The following SNX31 variants were observed in gnomAD, a reference collection of about 807,000 sequenced individuals.
The protein encoded by SNX31 is sorting nexin 31.
A neutral mutation model predicts 65.4 loss-of-function variants in SNX31; 58 were observed. The ratio of observed to expected loss-of-function variants is 0.89; its 90% CI spans 0.72 to 1.10. The LOEUF is 1.10. SNX31 is among the 50% of genes least tolerant of loss of function. The probability of loss-of-function intolerance (pLI) is 0.00; values close to 1 mark genes in which losing one functional copy is unlikely to be tolerated. For synonymous variants in SNX31, 181 were observed against 190.1 expected (o/e 0.95, Z 0.39); for missense variants, 523 against 529.7 (o/e 0.99, Z 0.12).
intron 8 of SNX31, among the ~76,000 whole-genome samples, chr8:100,605,060 A>G (rs1462705615): frequency 6.6e-6 from 1 of 152,002 alleles, no homozygotes; most frequent in African/African-American, 2.4e-5. Flanking sequence ...CACCGTGCCC[A>G]GCTAATTTTT....
chr8:100,601,532 T>C (rs1057232836), intron 8 of SNX31, among the ~76,000 whole-genome samples: 7 of 152,240 alleles, frequency 4.6e-5, no homozygotes, highest in Admixed American at 4.6e-4. Context: ...CAATAGTTTA[T>C]ATATCTGGTT....
chr8:100,601,867 A>G (rs1200126357), intron 8 of SNX31, among the ~76,000 whole-genome samples: 1 of 148,894 alleles, frequency 6.7e-6, no homozygotes, highest in Non-Finnish European at 1.5e-5. Context: ...GGAAGTAACA[A>G]AGCCTGTTGT....
intron 3 of SNX31, among the ~76,000 whole-genome samples, chr8:100,633,187 C>T (rs1818523952): frequency 6.6e-6 from 1 of 152,074 alleles, no homozygotes; most frequent in Non-Finnish European, 1.5e-5. Flanking sequence ...CCTTAACCTC[C>T]CAAAGTGCTG....
Position 100,594,331 on chromosome 8 carries a change from C to A in SNX31, c.978+2308G>T, listed in dbSNP as rs1011761867. Among the ~76,000 whole-genome samples the A allele has an allele frequency of 1.3e-5, 2 of 151,836 alleles. No individual in the cohort carries two copies. Among genetic ancestry groups the A allele is most frequent in the Admixed American group, 6.6e-5 (1 of 15,214 alleles). On this transcript the variant is annotated intron_variant, in intron 10 of 13. Coordinates refer to ENST00000311812, the MANE Select transcript of SNX31 (RefSeq NM_152628.4). The surrounding 1 kb of genome is among the most constrained non-coding windows in gnomAD (Gnocchi z 4.0). ...AACAAAACCAAAACAAGGAAACAGACAAACAACAACAACAACAACAAAACC... is the reference window on the plus strand; with the variant it reads ...AACAAAACCAAAACAAGGAAACAGAAAAACAACAACAACAACAACAAAACC...
At position 100,622,715 on chromosome 8, in the gene SNX31, G is replaced by T. The variant is rs6988427; in HGVS notation, c.322-4985C>A. On this transcript the variant is annotated intron_variant, in intron 4 of 13. Coordinates refer to ENST00000311812, the MANE Select transcript of SNX31 (RefSeq NM_152628.4). This position sits in a 1 kb window ranked among gnomAD's most constrained non-coding sequence, Gnocchi z 5.0. Reference sequence around the variant, plus strand: ...AAATAAAAATAAAAATAAATTAAATGGGGGCATTTAAAAATGGAGTGTTGA... The same window carrying T: ...AAATAAAAATAAAAATAAATTAAATTGGGGCATTTAAAAATGGAGTGTTGA... Among the ~76,000 whole-genome samples the T allele has an allele frequency of 2.8e-3, 423 of 152,050 alleles. 4 individuals are homozygous for T. The highest frequency in any genetic ancestry group is 9.0e-3 in the African/African-American group (374 of 41,512).
At chr8:100,623,082 T>C (rs1817812563) in intron 4 of SNX31, among the ~76,000 whole-genome samples, 1 of 152,196 alleles carries the variant, frequency 6.6e-6, no homozygotes, top group African/African-American at 2.4e-5. Context: ...AGAGGTTTAA[T>C]TGGCTCACAG....
At chr8:100,641,953 C>A (rs571651951) in intron 2 of SNX31, among the ~76,000 whole-genome samples, 26 of 151,942 alleles carry the variant, frequency 1.7e-4, no homozygotes, top group African/African-American at 6.0e-4. Flanking sequence ...GTGGCAGGTG[C>A]CTGTAGTCCC....
intron 10 of SNX31, among the ~76,000 whole-genome samples, chr8:100,592,755 T>G (rs542231800): frequency 6.6e-6 from 1 of 152,294 alleles, no homozygotes; most frequent in Non-Finnish European, 1.5e-5. Context: ...GGGTAGAATG[T>G]GCTATAACCA....
intron 12 of SNX31, among the ~76,000 whole-genome samples, chr8:100,577,491 AG>A (rs1813144104): frequency 6.6e-6 from 1 of 152,214 alleles, no homozygotes. Context: ...GCGAAGTTCA[AG>A]GCACTTGAAT....
rs1816405995 is a variant in SNX31, at chr8:100,608,579, G to A, written c.612-16C>T. 3 of 1,612,856 alleles carry A rather than the reference G, an allele frequency of 1.9e-6. No homozygotes were observed. Among genetic ancestry groups the A allele is most frequent in the East Asian group, 2.2e-5 (1 of 44,876 alleles). ...AGCCATATACCTGCAAAATTCAGGAGTGTGAAATTCATTCCTGTGACATGG... is the reference window on the plus strand; with the variant it reads ...AGCCATATACCTGCAAAATTCAGGAATGTGAAATTCATTCCTGTGACATGG... On this transcript the variant is annotated splice_polypyrimidine_tract_variant and intron_variant, in intron 7 of 13. Coordinates refer to ENST00000311812, the MANE Select transcript of SNX31 (RefSeq NM_152628.4).
intron 1 of SNX31, among the ~76,000 whole-genome samples, chr8:100,662,061 G>A (rs1809797104): frequency 6.6e-6 from 1 of 152,200 alleles, no homozygotes; most frequent in Non-Finnish European, 1.5e-5. Flanking sequence ...CTGGCCTCAA[G>A]TGATCCACCT....
chr8:100,597,507 T>G (rs1815225028), intron 9 of SNX31, among the ~76,000 whole-genome samples: 1 of 152,198 alleles, frequency 6.6e-6, no homozygotes, highest in Non-Finnish European at 1.5e-5. Flanking sequence ...CCTCCCAAAG[T>G]GCTGGGATTA....
At chr8:100,593,613 C>T (rs1814790896) in intron 10 of SNX31, among the ~76,000 whole-genome samples, 1 of 151,954 alleles carries the variant, frequency 6.6e-6, no homozygotes, top group African/African-American at 2.4e-5. Context: ...CCCACCACGC[C>T]CAGCTAATTT....
intron 3 of SNX31, among the ~76,000 whole-genome samples, chr8:100,635,025 A>G (rs937163674): frequency 6.6e-6 from 1 of 152,098 alleles, no homozygotes; most frequent in Non-Finnish European, 1.5e-5. Context: ...CGATTGTGCC[A>G]CTGTACTCCA....
At position 100,573,667 on chromosome 8, in the gene SNX31, C is replaced by CTT; in HGVS notation, c.*196_*197dup. 1.1e-4 allele frequency: 36 copies of CTT among 318,994 alleles called. No homozygotes were observed. Among genetic ancestry groups the CTT allele is most frequent in the East Asian group, 1.9e-4 (4 of 20,696 alleles). 19.8% of individuals were successfully genotyped at this position (318,994 alleles called of 1,614,324 possible). A position where few individuals can be genotyped will look rare whatever the true frequency, so the allele number is the denominator to read the frequency against. On this transcript the variant is annotated 3_prime_UTR_variant, in exon 14 of 14. Coordinates refer to ENST00000311812, the MANE Select transcript of SNX31 (RefSeq NM_152628.4). ...TAAAAACTAACTCTATAACTTGGTT[C>CTT]TTTTTTTTTTTCTAATCTTGAGATT...
At chr8:100,655,012 C>CA (rs1293342953) in intron 1 of SNX31, among the ~76,000 whole-genome samples, 2 of 152,036 alleles carry the variant, frequency 1.3e-5, no homozygotes, top group African/African-American at 4.8e-5. Context: ...GAATCCGTCT[C>CA]AAAAAACAAA....
chr8:100,629,197 A>G lies in SNX31; in HGVS notation c.321+1130T>C, dbSNP rs545580928. 2.6e-5 allele frequency among the ~76,000 whole-genome samples: 4 copies of G among 152,322 alleles called. No homozygotes were observed. The South Asian group carries it at 6.2e-4, about 24-fold the overall frequency. ...TGTACATATATATGTATATATATGC[A>G]TGCTTATATATGTGCAGAAATGTGT... On this transcript the variant is annotated intron_variant, in intron 4 of 13. Coordinates refer to ENST00000311812, the MANE Select transcript of SNX31 (RefSeq NM_152628.4). The surrounding 1 kb of genome is among the most constrained non-coding windows in gnomAD (Gnocchi z 5.1).
chr8:100,617,523 C>A, intron 5 of SNX31, 97 bp downstream of exon 5: 1 of 815,834 alleles, frequency 1.2e-6, no homozygotes, highest in Non-Finnish European at 2.0e-6. Flanking sequence ...AACAACAGGC[C>A]AGAAGCTCCT....
chr8:100,573,903 C>T lies in SNX31; in HGVS notation c.1285G>A (p.Asp429Asn), dbSNP rs774497341. 1.9e-6 allele frequency: 3 copies of T among 1,589,436 alleles called. No homozygotes were observed. The highest frequency in any genetic ancestry group is 3.6e-5 in the Admixed American group (2 of 55,100). ...RKSKIKIAKD[D>N]CVFGNIKEED... ...TCCTTTATGTTCCCAAAAACGCAGT[C>T]ATCTTTAGCTATCTTAATCTTGCTT... Residue 429 changes from aspartate (D) to asparagine (N), a missense_variant, in exon 14 of 14, where the codon GAC becomes AAC. Coordinates refer to ENST00000311812, the MANE Select transcript of SNX31 (RefSeq NM_152628.4).
Sources: allele counts gnomAD v4.1 joint callset (sites outside exome capture counted in the v4.1 genomes callset), GRCh38; gene constraint gnomAD v4.1.1; non-coding constraint Gnocchi (gnomAD v3.1); transcripts MANE v1.5; gene names NCBI Gene and HGNC (gene_info 2026-07-23, HGNC 2026-07-21).